The following ZNF644 variants were observed in gnomAD, a reference collection of about 807,000 sequenced individuals.
ZNF644 encodes zinc finger protein 644.
A neutral mutation model predicts 108.0 loss-of-function variants in ZNF644; 20 were observed. The observed-to-expected ratio is 0.19, with a 90% CI of 0.13 to 0.27. ZNF644 has a LOEUF of 0.27. Among genes scored for constraint, ZNF644 ranks in the 10% least tolerant of loss-of-function variants. The pLI, the probability that ZNF644 is intolerant of heterozygous loss-of-function variation, is 1.00. For synonymous variants in ZNF644, 542 were observed against 539.1 expected (o/e 1.01, Z -0.08); for missense variants, 1,338 against 1,548.9 (o/e 0.86, Z 2.29).
chr1:90,995,369 A>T (rs914947379), intron 1 of ZNF644, among the ~76,000 whole-genome samples: 1 of 152,162 alleles, frequency 6.6e-6, no homozygotes, highest in African/African-American at 2.4e-5. Flanking sequence ...ATAACTAAAG[A>T]AAAATAAACA....
intron 2 of ZNF644, among the ~76,000 whole-genome samples, chr1:90,959,826 C>T (rs945213529): frequency 6.6e-6 from 1 of 152,124 alleles, no homozygotes; most frequent in East Asian, 1.9e-4. Context: ...ACAGTAGTCC[C>T]TCATCTACAG....
intron 2 of ZNF644, among the ~76,000 whole-genome samples, chr1:90,973,562 G>A (rs1655710532): frequency 6.6e-6 from 1 of 152,202 alleles, no homozygotes; most frequent in African/African-American, 2.4e-5. Context: ...TGTTAAATAA[G>A]TCTGCATTTA....
chr1:90,957,461 A>G (rs1653867053), intron 2 of ZNF644, among the ~76,000 whole-genome samples: 1 of 152,234 alleles, frequency 6.6e-6, no homozygotes, highest in Admixed American at 6.5e-5. Flanking sequence ...CAGGAATGCC[A>G]GGGTAGTTCA....
chr1:90,931,612 G>A (rs1198529592), intron 4 of ZNF644, among the ~76,000 whole-genome samples: 4 of 152,014 alleles, frequency 2.6e-5, no homozygotes, highest in Non-Finnish European at 4.4e-5. Flanking sequence ...GATAAACTGG[G>A]ACAGTTCTGG....
chr1:90,986,662 G>A (rs913787735), intron 1 of ZNF644, among the ~76,000 whole-genome samples: 3 of 151,958 alleles, frequency 2.0e-5, no homozygotes, highest in African/African-American at 7.2e-5. Flanking sequence ...CAAAAATATT[G>A]TAAATATGCT....
intron 2 of ZNF644, among the ~76,000 whole-genome samples, chr1:90,975,394 G>T (rs1450692539): frequency 6.6e-6 from 1 of 151,076 alleles, no homozygotes; most frequent in East Asian, 1.9e-4. Flanking sequence ...GAGCCCACGG[G>T]CTTCAGCCTA....
At chr1:90,993,362 AC>A (rs1209136728) in intron 1 of ZNF644, among the ~76,000 whole-genome samples, 1 of 151,486 alleles carries the variant, frequency 6.6e-6, no homozygotes, top group East Asian at 1.9e-4. Context: ...ATATCAGAGA[AC>A]CCAGCCAAGA....
intron 1 of ZNF644, among the ~76,000 whole-genome samples, chr1:91,005,199 AAAC>A (rs1426861744): frequency 6.6e-6 from 1 of 152,174 alleles, no homozygotes; most frequent in Non-Finnish European, 1.5e-5. Context: ...CTCACAGCAG[AAAC>A]AACAGACATT....
chr1:91,004,052 G>A (rs1570562347), intron 1 of ZNF644, among the ~76,000 whole-genome samples: 1 of 152,004 alleles, frequency 6.6e-6, no homozygotes, highest in East Asian at 1.9e-4. Context: ...AATCCATAGG[G>A]CCTAAGAAAC....
chr1:91,012,195 A>G (rs1660016536), intron 1 of ZNF644, among the ~76,000 whole-genome samples: 1 of 152,094 alleles, frequency 6.6e-6, no homozygotes, highest in Non-Finnish European at 1.5e-5. Context: ...GAAAAGAGAG[A>G]TGGATTCAAG....
chr1:90,964,995 C>A (rs1654712198), intron 2 of ZNF644, among the ~76,000 whole-genome samples: 1 of 152,244 alleles, frequency 6.6e-6, no homozygotes, highest in Middle Eastern at 3.4e-3. Flanking sequence ...CACATACACA[C>A]AAACACAATA....
intron 1 of ZNF644, among the ~76,000 whole-genome samples, chr1:90,985,833 A>G (rs112559227): frequency 4.6e-5 from 7 of 152,258 alleles, no homozygotes; most frequent in East Asian, 3.9e-4. Context: ...TGGGACTGCT[A>G]TATCATATGG....
chr1:90,942,840 T>A (rs1376304728), intron 2 of ZNF644, among the ~76,000 whole-genome samples: 4 of 152,190 alleles, frequency 2.6e-5, no homozygotes, highest in Admixed American at 1.3e-4. Flanking sequence ...TTTCTTCTCC[T>A]TTTTTGCAGT....
chr1:90,941,121 A>G lies in ZNF644; in HGVS notation c.233T>C (p.Leu78Pro). Residue 78 changes from leucine (L) to proline (P), a missense_variant, in exon 3 of 6, where the codon CTG becomes CCG. Transcript: ENST00000337393. ...KNNTLTLPEE[L>P]SKDKSENALS... ...GGCGTTTTCAGATTTGTCCTTTGACAGTTCTTCAGGCAGAGTCAACGTATT... is the reference window on the plus strand; with the variant it reads ...GGCGTTTTCAGATTTGTCCTTTGACGGTTCTTCAGGCAGAGTCAACGTATT... 6.2e-7 allele frequency: 1 copy of G among 1,614,086 alleles called. No individual in the cohort carries two copies. The highest frequency in any genetic ancestry group is 1.3e-5 in the African/African-American group (1 of 75,076).
At chr1:90,960,329 A>G (rs966989259) in intron 2 of ZNF644, among the ~76,000 whole-genome samples, 2 of 152,176 alleles carry the variant, frequency 1.3e-5, no homozygotes, top group African/African-American at 4.8e-5. Context: ...TCAAGCTGCA[A>G]AAGTTATGAA....
intron 2 of ZNF644, among the ~76,000 whole-genome samples, chr1:90,963,208 G>A (rs1184803473): frequency 6.6e-6 from 1 of 152,042 alleles, no homozygotes; most frequent in Non-Finnish European, 1.5e-5. Context: ...AAGGTGGTGA[G>A]GATAGGAGAA....
At chr1:90,982,823 A>G (rs975133532) in intron 1 of ZNF644, among the ~76,000 whole-genome samples, 2 of 152,172 alleles carry the variant, frequency 1.3e-5, no homozygotes, top group Non-Finnish European at 2.9e-5. Flanking sequence ...ATAAAAGTAT[A>G]TAACAAAGTA....
rs751372525 is a variant in ZNF644 at position 90,937,794 on chromosome 1, C to T, written c.3379G>A (p.Ala1127Thr). The T allele has an allele frequency of 6.2e-7, 1 of 1,613,856 alleles. No individual in the cohort carries two copies. Among genetic ancestry groups the T allele is most frequent in the South Asian group, 1.1e-5 (1 of 91,076 alleles). The change falls in exon 4 of 6, where the codon GCA (alanine) becomes ACA (threonine). Residue 1127 changes from alanine (A) to threonine (T), a missense_variant. Around this residue, in one of 6 missense-constraint regions of ZNF644, gnomAD observed 287 missense variants for 310.9 expected, o/e 0.92. Coordinates refer to ENST00000337393, the MANE Select transcript of ZNF644 (RefSeq NM_201269.3). ...TCAGTCTTTAGGCCATTACGGTATG[C>T]TTCAAGAGGTATAACATTTTGAGAT... The part of the protein sequence containing the change: ...FISQNVIPLE[A>T]YRNGLKTEAL...
intron 1 of ZNF644, among the ~76,000 whole-genome samples, chr1:91,012,511 A>T (rs1475144509): frequency 6.6e-6 from 1 of 152,020 alleles, no homozygotes; most frequent in African/African-American, 2.4e-5. Flanking sequence ...AGAAAAAGAA[A>T]CAAGCAAAAA....
Sources: gnomAD v4.1 joint callset for allele counts (sites outside exome capture counted in the v4.1 genomes callset) on GRCh38, gnomAD v4.1.1 for gene constraint, gnomAD v4.1.1 regional missense constraint, MANE v1.5 for transcripts, NCBI Gene and HGNC (gene_info 2026-07-23, HGNC 2026-07-21) for gene names.